The following GIPR variants were observed in gnomAD, a reference collection of about 807,000 sequenced individuals.
GIPR encodes the protein GIP-R.
GIPR carries 74 observed loss-of-function variants against 62.2 expected under a neutral mutation model. The observed-to-expected ratio is 1.19, with a 90% confidence interval of 0.99 to 1.44. The LOEUF (loss-of-function observed/expected upper bound fraction) is 1.44. GIPR is among the 40% of genes most tolerant of loss of function. The pLI, the probability that GIPR is intolerant of heterozygous loss-of-function variation, is 0.00. For synonymous variants in GIPR, 256 were observed against 262.2 expected (o/e 0.98, Z 0.23); for missense variants, 664 against 611.8 (o/e 1.09, Z -0.90).
At chr19:45,671,188 G>A (rs1600287452) in intron 3 of GIPR, 97 bp from the exon 4 acceptor site, 1 of 781,994 alleles carries the variant, frequency 1.3e-6, no homozygotes, top group Admixed American at 1.8e-5. Flanking sequence ...AGAAGCACTT[G>A]GCCCACTGCG....
At position 45,669,140 on chromosome 19, in the gene GIPR, G is replaced by A. The variant is rs540552802; in HGVS notation, c.-44-337G>A. ...CCAGGAGTCTGTAGGTCCAGACTTC[G>A]GTGACACTGACACTTCCGCCCAGCG... is the stretch of plus-strand genomic sequence containing the variant. On this transcript the variant is annotated intron_variant, in intron 1 of 13. Coordinates refer to ENST00000590918, the MANE Select transcript of GIPR (RefSeq NM_000164.4). Among the ~76,000 whole-genome samples the A allele has an allele frequency of 9.7e-3, 1,435 of 148,214 alleles. 13 individuals are homozygous for A. Among genetic ancestry groups the A allele is most frequent in the Non-Finnish European group, 0.016 (1,067 of 67,000 alleles).
intron 5 of GIPR, among the ~76,000 whole-genome samples, chr19:45,673,374 C>T (rs1284804753): frequency 2.2e-5 from 3 of 137,360 alleles, no homozygotes; most frequent in Non-Finnish European, 4.5e-5. Flanking sequence ...GAGCCAAGAT[C>T]GTGCCACTGC....
At chr19:45,673,102 A>G (rs1975629309) in intron 5 of GIPR, 148 bp downstream of exon 5, 1 of 661,724 alleles carries the variant, frequency 1.5e-6, no homozygotes, top group East Asian at 2.8e-5. Context: ...AAAGAGAGAA[A>G]GATGTACTGC....
At position 45,669,520 on chromosome 19, in the gene GIPR, G is replaced by T; in HGVS notation, c.-1G>T. On this transcript the variant is annotated 5_prime_UTR_variant, in exon 2 of 14. Coordinates refer to ENST00000590918, the MANE Select transcript of GIPR (RefSeq NM_000164.4). ...GAACCAGACCCTTCGCCGCCCTCAC[G>T]ATGACTACCTCTCCGATCCTGCAGC... 6.4e-7 allele frequency: 1 copy of T among 1,573,920 alleles called. No individual in the cohort carries two copies.
At position 45,677,898 on chromosome 19, in the gene GIPR, C is replaced by T; in HGVS notation, c.925-8C>T. 2 of 1,613,158 alleles carry T rather than the reference C, an allele frequency of 1.2e-6. No individual in the cohort carries two copies. Among genetic ancestry groups the T allele is most frequent in the Non-Finnish European group, 1.7e-6 (2 of 1,179,150 alleles). The stretch of plus-strand genomic sequence containing the variant: ...CGCGGCTGGCTCAGCCCTTATCTCT[C>T]CCCACAGATTAATTTCCTCATTTTT... On this transcript the variant is annotated splice_polypyrimidine_tract_variant and splice_region_variant and intron_variant, in intron 10 of 13. Transcript: ENST00000590918.
Position 45,671,291 on chromosome 19 carries a change from C to A in GIPR, c.179C>A (p.Ala60Asp). 6.2e-7 allele frequency: 1 copy of A among 1,608,546 alleles called. No individual in the cohort carries two copies. Among genetic ancestry groups the A allele is most frequent in the South Asian group, 1.1e-5 (1 of 91,006 alleles). Reference sequence around the variant, plus strand: ...CCCCCGTGCCCACCCCCAGGCCTCGCCTGTAACGGGTCCTTCGATATGTAC... The same window carrying A: ...CCCCCGTGCCCACCCCCAGGCCTCGACTGTAACGGGTCCTTCGATATGTAC... ...LAAAEPPSGL[A>D]CNGSFDMYVC... Residue 60 changes from alanine (A) to aspartate (D), a missense_variant, in exon 4 of 14, where the codon GCC becomes GAC. Coordinates refer to ENST00000590918, the MANE Select transcript of GIPR (RefSeq NM_000164.4).
Position 45,682,788 on chromosome 19 carries a change from C to T in GIPR, c.*853C>T, listed in dbSNP as rs985822622. The T allele has an allele frequency of 2.6e-5, 4 of 152,112 alleles. No homozygotes were observed. The highest frequency in any genetic ancestry group is 5.9e-5 in the Non-Finnish European group (4 of 68,124). 9.4% of individuals were successfully genotyped at this position (152,112 alleles called of 1,614,324 possible). A position where few individuals can be genotyped will look rare whatever the true frequency, so the allele number is the denominator to read the frequency against. Reference sequence around the variant, plus strand: ...GAACTCCTGACCTCAAGTGATCCACCCACCTCAGCCTCCCAAAGTGCTGGG... The same window carrying T: ...GAACTCCTGACCTCAAGTGATCCACTCACCTCAGCCTCCCAAAGTGCTGGG... On this transcript the variant is annotated 3_prime_UTR_variant, in exon 14 of 14. Coordinates refer to ENST00000590918, the MANE Select transcript of GIPR (RefSeq NM_000164.4).
At chr19:45,670,789 C>G in intron 3 of GIPR, 55 bp downstream of exon 3, 1 of 951,824 alleles carries the variant, frequency 1.1e-6, no homozygotes. Context: ...GAGGGGTGGG[C>G]TTGGGATGGG....
rs139322374 is a variant in GIPR at position 45,669,565 on chromosome 19, G to T, written c.45G>T (p.Leu15=). ...PILQLLLRLS[L]CGLLLQRAET... Reference sequence around the variant, plus strand: ...TGCAGCTGCTGCTGCGGCTCTCACTGTGCGGGCTGCTGCTCCAGAGGGCGG... The same window carrying T: ...TGCAGCTGCTGCTGCGGCTCTCACTTTGCGGGCTGCTGCTCCAGAGGGCGG... Residue 15 remains leucine, a synonymous_variant, in exon 2 of 14, where the codon CTG becomes CTT. Transcript: ENST00000590918. 292 of 1,581,642 alleles carry T rather than the reference G, an allele frequency of 1.8e-4. No homozygotes were observed. The African/African-American group carries it at 3.4e-3, about 18-fold the overall frequency.
In GIPR at chr19:45,682,791, C is replaced by G. The variant is rs532123323; in HGVS notation, c.*856C>G. 6.6e-6 allele frequency: 1 copy of G among 152,226 alleles called. No homozygotes were observed. Among genetic ancestry groups the G allele is most frequent in the Non-Finnish European group, 1.5e-5 (1 of 68,152 alleles). The allele number at this position is 152,226 out of a possible 1,614,324, so 9.4% of individuals were successfully genotyped here. ...CTCCTGACCTCAAGTGATCCACCCA[C>G]CTCAGCCTCCCAAAGTGCTGGGATT... On this transcript the variant is annotated 3_prime_UTR_variant, in exon 14 of 14. Coordinates refer to ENST00000590918, the MANE Select transcript of GIPR (RefSeq NM_000164.4).
chr19:45,672,526 C>A (rs760868381), intron 4 of GIPR: 120 of 353,342 alleles, frequency 3.4e-4, no homozygotes, highest in Admixed American at 1.4e-3. Flanking sequence ...AGGATGGTCT[C>A]GATCTCTTGA....
intron 3 of GIPR, 22 bp downstream of exon 3, chr19:45,670,756 AC>A: frequency 2.1e-6 from 3 of 1,429,268 alleles, no homozygotes; most frequent in Non-Finnish European, 2.9e-6. Flanking sequence ...AGGGCTGGGG[AC>A]GCGGGGAGGA....
At chr19:45,681,480 A>T in intron 12 of GIPR, 124 bp from the exon 13 acceptor site, 1 of 866,782 alleles carries the variant, frequency 1.2e-6, no homozygotes, top group Non-Finnish European at 1.9e-6. Flanking sequence ...GGGCAACAAG[A>T]GCAATATTCC....
chr19:45,680,647 G>A (rs1051454373), intron 12 of GIPR, among the ~76,000 whole-genome samples: 3 of 151,716 alleles, frequency 2.0e-5, no homozygotes, highest in Non-Finnish European at 2.9e-5. Context: ...TGGGCAACAT[G>A]GCAAAAATTC....
intron 7 of GIPR, among the ~76,000 whole-genome samples, chr19:45,675,886 T>A (rs953144122): frequency 2.0e-5 from 3 of 150,636 alleles, no homozygotes; most frequent in African/African-American, 7.3e-5. Flanking sequence ...TGAGACCCTG[T>A]TTCAAAAAAA....
rs951907131 is a variant in GIPR at position 45,676,988 on chromosome 19, T to C, written c.673T>C (p.Tyr225His). The C allele has an allele frequency of 1.2e-6, 2 of 1,613,978 alleles. No individual in the cohort carries two copies. The highest frequency in any genetic ancestry group is 2.7e-5 in the African/African-American group (2 of 74,930). Residue 225 changes from tyrosine to histidine, a missense_variant, in exon 8 of 14, where the codon TAC becomes CAC. Coordinates refer to ENST00000590918, the MANE Select transcript of GIPR (RefSeq NM_000164.4). ...CCGCACGGCCCAGATCGTGACCCAG[T>C]ACTGCGTGGGTGCCAACTACACGTG... ...ACRTAQIVTQ[Y>H]CVGANYTWLL...
chr19:45,671,887 T>G (rs1389897678), intron 4 of GIPR, among the ~76,000 whole-genome samples: 1 of 151,780 alleles, frequency 6.6e-6, no homozygotes, highest in East Asian at 2.0e-4. Flanking sequence ...TTCCCAAAGT[T>G]CTGGGATTAC....
intron 5 of GIPR, 125 bp from the exon 6 acceptor site, chr19:45,673,949 A>G: frequency 1.3e-6 from 1 of 768,454 alleles, no homozygotes; most frequent in Non-Finnish European, 2.4e-6. Context: ...AAATAAGGGT[A>G]AGCAGTTCCC....
chr19:45,669,599 A>T lies in GIPR; in HGVS notation c.72+7A>T. On this transcript the variant is annotated splice_region_variant and intron_variant, in intron 2 of 13. Transcript: ENST00000590918. ...GCTGCTCCAGAGGGCGGAGGTGAGG[A>T]AGCGAGGAGCCAGAGGAGCTCCAGG... The T allele has an allele frequency of 6.3e-7, 1 of 1,575,380 alleles. No individual in the cohort carries two copies. Among genetic ancestry groups the T allele is most frequent in the Non-Finnish European group, 8.6e-7 (1 of 1,164,254 alleles).
Sources: allele counts gnomAD v4.1 joint callset (sites outside exome capture counted in the v4.1 genomes callset), GRCh38; gene constraint gnomAD v4.1.1; transcripts MANE v1.5; gene names NCBI Gene and HGNC (gene_info 2026-07-23, HGNC 2026-07-21).